Variants in RAB27A observed in about 807,000 individuals in gnomAD.
RAB27A encodes ras-related protein Rab-27A.
RAB27A carries 17 observed loss-of-function variants against 20.8 expected under a neutral mutation model. The ratio of observed to expected loss-of-function variants is 0.82; its 90% CI spans 0.56 to 1.23. The LOEUF is 1.23. Among genes scored for constraint, RAB27A ranks in the 50% most tolerant of loss-of-function variants. The pLI, the probability that RAB27A is intolerant of heterozygous loss-of-function variation, is 0.00. For missense variants in RAB27A, 277 were observed against 266.7 expected (o/e 1.04, Z -0.27); for synonymous variants, 85 against 92.8 (o/e 0.92, Z 0.48).
intron 2 of RAB27A, among the ~76,000 whole-genome samples, chr15:55,242,824 A>G (rs535857262): frequency 3.3e-5 from 5 of 152,334 alleles, no homozygotes; most frequent in Admixed American, 1.3e-4. Flanking sequence ...ACTGAAACTC[A>G]GAGAAGGTAA....
chr15:55,228,370 TAA>T (rs1303608600), intron 5 of RAB27A, among the ~76,000 whole-genome samples: 2 of 152,148 alleles, frequency 1.3e-5, no homozygotes, highest in African/African-American at 4.8e-5. Flanking sequence ...AGAGCACACA[TAA>T]AGTGCTGCCT....
At chr15:55,295,979 C>T (rs1442198660) in intron 2 of RAB27A, among the ~76,000 whole-genome samples, 1 of 151,488 alleles carries the variant, frequency 6.6e-6, no homozygotes, top group South Asian at 2.1e-4. Flanking sequence ...TCACTGCAAC[C>T]TCCGCCTTCC....
chr15:55,226,509 TTGTGTG>T (rs36074324), intron 5 of RAB27A, among the ~76,000 whole-genome samples: 14 of 148,758 alleles, frequency 9.4e-5, no homozygotes, highest in African/African-American at 2.5e-4. Context: ...TTTTATGTAT[TTGTGTG>T]TGTGTGTGTG....
At chr15:55,239,541 A>C (rs893350928) in intron 2 of RAB27A, among the ~76,000 whole-genome samples, 1 of 152,172 alleles carries the variant, frequency 6.6e-6, no homozygotes, top group African/African-American at 2.4e-5. Flanking sequence ...GGGAGAAAGG[A>C]GCACTGGCAT....
chr15:55,317,875 C>T (rs2055064126), intron 1 of RAB27A: 1 of 392,498 alleles, frequency 2.5e-6, no homozygotes, highest in Non-Finnish European at 4.5e-6. Flanking sequence ...AATCTGCATA[C>T]AAAAATGGAA....
At chr15:55,283,605 A>G (rs1363517228) in intron 1 of RAB27A, among the ~76,000 whole-genome samples, 2 of 152,170 alleles carry the variant, frequency 1.3e-5, no homozygotes, top group African/African-American at 4.8e-5. Context: ...AAGGACTGTT[A>G]CACCTCTTCA....
At chr15:55,235,043 A>G in intron 2 of RAB27A, 87 bp from the exon 3 acceptor site, 1 of 1,072,224 alleles carries the variant, frequency 9.3e-7, no homozygotes, top group Non-Finnish European at 1.4e-6. Flanking sequence ...TATTCAGTTT[A>G]ACACCTAATG....
chr15:55,228,546 A>G, intron 5 of RAB27A, 63 bp downstream of exon 5: 1 of 1,230,862 alleles, frequency 8.1e-7, no homozygotes, highest in Non-Finnish European at 1.2e-6. Flanking sequence ...GTAGAGCATA[A>G]GAGGGCATTC....
chr15:55,215,134 T>C (rs1895219722), intron 6 of RAB27A, among the ~76,000 whole-genome samples: 1 of 152,170 alleles, frequency 6.6e-6, no homozygotes, highest in African/African-American at 2.4e-5. Context: ...AAATGCTAAA[T>C]CACAATAATG....
At chr15:55,313,347 C>G (rs2055029325) in intron 2 of RAB27A, among the ~76,000 whole-genome samples, 2 of 151,988 alleles carry the variant, frequency 1.3e-5, no homozygotes, top group Admixed American at 1.3e-4. Context: ...AAGGTTATAG[C>G]GAGCAATGAT....
chr15:55,241,612 A>ATATATGTG (rs940737411), intron 2 of RAB27A, among the ~76,000 whole-genome samples: 1 of 129,084 alleles, frequency 7.7e-6, no homozygotes, highest in African/African-American at 4.2e-5. Context: ...ATATATATAT[A>ATATATGTG]TATATATATA....
intron 2 of RAB27A, among the ~76,000 whole-genome samples, chr15:55,265,030 G>A (rs896414301): frequency 6.6e-6 from 1 of 152,132 alleles, no homozygotes; most frequent in Non-Finnish European, 1.5e-5. Context: ...ATCACCTGGG[G>A]TTGAGAGTTC....
At chr15:55,229,083 G>C (rs1035129415) in intron 4 of RAB27A, among the ~76,000 whole-genome samples, 1 of 152,142 alleles carries the variant, frequency 6.6e-6, no homozygotes, top group Non-Finnish European at 1.5e-5. Context: ...AATATGCAGA[G>C]ATCTCTTATC....
At chr15:55,214,164 C>T (rs960174312) in intron 6 of RAB27A, among the ~76,000 whole-genome samples, 29 of 152,194 alleles carry the variant, frequency 1.9e-4, no homozygotes, top group African/African-American at 4.1e-4. Context: ...AGGCCGGGCG[C>T]GATGGCTGAT....
chr15:55,222,700 T>TA (rs927948958), intron 6 of RAB27A, among the ~76,000 whole-genome samples: 1 of 152,020 alleles, frequency 6.6e-6, no homozygotes, highest in Non-Finnish European at 1.5e-5. Flanking sequence ...GATCACACAA[T>TA]AAAAAGGGAA....
intron 2 of RAB27A, among the ~76,000 whole-genome samples, chr15:55,260,278 T>A (rs1897228051): frequency 6.6e-6 from 1 of 152,136 alleles, no homozygotes; most frequent in Non-Finnish European, 1.5e-5. Context: ...TCCAAAACAC[T>A]GACAACATCA....
intron 1 of RAB27A, among the ~76,000 whole-genome samples, chr15:55,284,239 A>C (rs1430407035): frequency 6.6e-6 from 1 of 152,246 alleles, no homozygotes; most frequent in African/African-American, 2.4e-5. Context: ...CTAGTGAGCA[A>C]GTCACATACA....
intron 6 of RAB27A, among the ~76,000 whole-genome samples, chr15:55,222,742 A>C (rs944621251): frequency 4.1e-4 from 63 of 152,144 alleles, no homozygotes; most frequent in African/African-American, 1.4e-3. Flanking sequence ...GGATTCTGCT[A>C]ACCACCAAAG....
chr15:55,244,536 C>T (rs548632306), intron 2 of RAB27A, among the ~76,000 whole-genome samples: 20 of 152,138 alleles, frequency 1.3e-4, no homozygotes, highest in African/African-American at 4.1e-4. Flanking sequence ...AGGCTGGTCT[C>T]AAACTCCCGA....
Sources: allele counts gnomAD v4.1 joint callset (sites outside exome capture counted in the v4.1 genomes callset), GRCh38; gene constraint gnomAD v4.1.1; transcripts MANE v1.5; gene names NCBI Gene and HGNC (gene_info 2026-07-23, HGNC 2026-07-21).